Variants in KLHL38 observed in about 807,000 individuals in gnomAD.
KLHL38 encodes kelch like family member 38.
KLHL38 carries 38 observed loss-of-function variants against 39.6 expected under a neutral mutation model. The ratio of observed to expected loss-of-function variants is 0.96; its 90% CI spans 0.74 to 1.26. KLHL38 has a LOEUF of 1.26. KLHL38 is among the 50% of genes most tolerant of loss of function. The pLI, the probability that KLHL38 is intolerant of heterozygous loss-of-function variation, is 0.00. For synonymous variants in KLHL38, 322 were observed against 302.2 expected (o/e 1.07, Z -0.68); for missense variants, 803 against 748.1 (o/e 1.07, Z -0.86).
In KLHL38 at chr8:123,645,981, C is replaced by T; in HGVS notation, c.1504G>A (p.Val502Ile). Reference sequence around the variant, plus strand: ...CGGTCTTTCATGTCCGCACATTTGACAAATTTGTTGGATTGAGGGTCATAA... The same window carrying T: ...CGGTCTTTCATGTCCGCACATTTGATAAATTTGTTGGATTGAGGGTCATAA... ...LAYDPQSNKFVKCADMKDRRM... is the reference protein window; with the variant it reads ...LAYDPQSNKFIKCADMKDRRM... The change falls in exon 4 of 4, where the codon GTC becomes ATC. Residue 502 changes from valine (V) to isoleucine (I), a missense_variant. Transcript: ENST00000684634. 6.2e-7 allele frequency: 1 copy of T among 1,614,176 alleles called. No homozygotes were observed. Among genetic ancestry groups the T allele is most frequent in the Non-Finnish European group, 8.5e-7 (1 of 1,180,022 alleles).
At chr8:123,647,087 T>C in intron 2 of KLHL38, 73 bp from the exon 3 acceptor site, 1 of 862,812 alleles carries the variant, frequency 1.2e-6, no homozygotes, top group Non-Finnish European at 1.9e-6. Flanking sequence ...AAGTAGTAAT[T>C]ACGAGGGTGA....
At chr8:123,647,527 G>A (rs768542233) in intron 2 of KLHL38, among the ~76,000 whole-genome samples, 3 of 152,216 alleles carry the variant, frequency 2.0e-5, no homozygotes, top group Non-Finnish European at 4.4e-5. Flanking sequence ...AGAGAAAGGG[G>A]AGAAAGACCA....
In KLHL38 at chr8:123,646,047, AT is replaced by A; in HGVS notation, c.1457-20del. ...GTGTAACCTGAAAACCAAATGACAC[AT>A]GGGCAAGCTCAGTGTTGCTCATCTG... On this transcript the variant is annotated intron_variant, in intron 3 of 3. Coordinates refer to ENST00000684634, the MANE Select transcript of KLHL38 (RefSeq NM_001081675.3). The A allele has an allele frequency of 1.2e-6, 2 of 1,610,904 alleles. No homozygotes were observed. Among genetic ancestry groups the A allele is most frequent in the Non-Finnish European group, 1.7e-6 (2 of 1,177,154 alleles).
rs777533807 is a variant in KLHL38 at position 123,651,832 on chromosome 8, C to T, written c.1095G>A (p.Leu365=). Residue 365 remains leucine, a synonymous_variant, in exon 2 of 4, where the codon CTG becomes CTA. Transcript: ENST00000684634. ...AGCGGGCCACCAGCATGGGCTCCCC[C>T]AGCCTCCACTGATTGAGTTTCAGGG... ...IFSLKLNQWR[L]GEPMLVARYS... 1.9e-6 allele frequency: 3 copies of T among 1,614,212 alleles called. No homozygotes were observed. In the East Asian group the frequency reaches 6.7e-5, roughly 36 times the overall value.
rs554539741 is a variant in KLHL38, at chr8:123,645,005, G to T, written c.*734C>A. Among the ~76,000 whole-genome samples the T allele has an allele frequency of 1.5e-4, 22 of 148,802 alleles. No individual in the cohort carries two copies. In the South Asian group the frequency reaches 4.7e-3, roughly 32 times the overall value. ...TTGCTAGAGAGAGAGGAAAACCTAG[G>T]GATGAGAGAGAGGAAGACAGAGGGG... On this transcript the variant is annotated 3_prime_UTR_variant, in exon 4 of 4. Transcript: ENST00000684634.
Position 123,652,571 on chromosome 8 carries a change from A to G in KLHL38, c.356T>C (p.Leu119Pro). ...CAAGTACGAGGAGCAGGCCTCAAACAGCTTGGGGAACTGTAGCATGGAGGC... is the reference window on the plus strand; with the variant it reads ...CAAGTACGAGGAGCAGGCCTCAAACGGCTTGGGGAACTGTAGCATGGAGGC... ...EAASMLQFPK[L>P]FEACSSYLQS... The change falls in exon 2 of 4, where the codon CTG (leucine) becomes CCG (proline). Residue 119 changes from leucine (L) to proline (P), a missense_variant. Transcript: ENST00000684634. The G allele has an allele frequency of 6.2e-7, 1 of 1,614,170 alleles. No homozygotes were observed. Among genetic ancestry groups the G allele is most frequent in the Non-Finnish European group, 8.5e-7 (1 of 1,180,010 alleles).
In KLHL38 at chr8:123,645,914, TAG is replaced by T. The variant is rs775783552; in HGVS notation, c.1569_1570del (p.Tyr524ArgfsTer14). Reference sequence around the variant, plus strand: ...GGTCAGCCGCCGCCCGCCCGTCACGTAGAGTTTGTTTCCCATCACTGTGGCCC... The same window carrying T: ...GGTCAGCCGCCGCCCGCCCGTCACGTAGTTTGTTTCCCATCACTGTGGCCC... On this transcript the variant is annotated frameshift_variant, in exon 4 of 4. Transcript: ENST00000684634. LOFTEE classifies it high-confidence loss of function. 1.9e-6 allele frequency: 3 copies of T among 1,614,034 alleles called. No individual in the cohort carries two copies. The highest frequency in any genetic ancestry group is 2.2e-5 in the East Asian group (1 of 44,876).
chr8:123,648,951 T>C (rs548806310), intron 2 of KLHL38, among the ~76,000 whole-genome samples: 1 of 152,340 alleles, frequency 6.6e-6, no homozygotes, highest in East Asian at 1.9e-4. Context: ...AGAATGTTTA[T>C]TTCAAAGCTA....
chr8:123,646,086 A>T, intron 3 of KLHL38, 58 bp from the exon 4 acceptor site: 1 of 1,495,138 alleles, frequency 6.7e-7, no homozygotes, highest in East Asian at 2.3e-5. Context: ...ACTGGAGGTC[A>T]GCAGTCCTGG....
rs377275127 is a variant in KLHL38 at position 123,652,056 on chromosome 8, C to T, written c.871G>A (p.Gly291Arg). 6.8e-5 allele frequency: 110 copies of T among 1,614,186 alleles called. 2 individuals carry two copies. Among genetic ancestry groups the T allele is most frequent in the South Asian group, 5.6e-4 (51 of 91,078 alleles). Residue 291 changes from glycine (G) to arginine (R), a missense_variant, in exon 2 of 4, where the codon GGA becomes AGA. Coordinates refer to ENST00000684634, the MANE Select transcript of KLHL38 (RefSeq NM_001081675.3). ...SYQDFLILLG[G>R]RKDSQQTTRD... ...GTGGTCTGCTGGCTGTCCTTCCTTC[C>T]GCCCAAGAGGATGAGGAAATCTTGG...
chr8:123,651,189 G>C (rs1031964416), intron 2 of KLHL38, among the ~76,000 whole-genome samples: 10 of 152,140 alleles, frequency 6.6e-5, no homozygotes, highest in Admixed American at 6.5e-4. Flanking sequence ...GTGTGTACAT[G>C]GGTGCACATG....
In KLHL38 at chr8:123,645,754, C is replaced by T. The variant is rs202021404; in HGVS notation, c.1731G>A (p.Thr577=). 192 of 1,613,604 alleles carry T rather than the reference C, an allele frequency of 1.2e-4. No homozygotes were observed. The highest frequency in any genetic ancestry group is 1.5e-4 in the Non-Finnish European group (182 of 1,179,688). ...ACLTLQCIPR[T]SGLP is the part of the protein sequence containing the mutation. ...CTTGTCGACCTCATGGGAGGCCAGA[C>T]GTGCGGGGTATGCACTGGAGAGTGA... Residue 577 remains threonine (T), a synonymous_variant, in exon 4 of 4, where the codon ACG becomes ACA. Coordinates refer to ENST00000684634, the MANE Select transcript of KLHL38 (RefSeq NM_001081675.3).
intron 2 of KLHL38, among the ~76,000 whole-genome samples, chr8:123,648,337 A>C (rs2129743384): frequency 6.6e-6 from 1 of 152,282 alleles, no homozygotes; most frequent in South Asian, 2.1e-4. Context: ...TGGAGCCATG[A>C]AACTGTGGCC....
chr8:123,648,757 G>C (rs1227646077), intron 2 of KLHL38, among the ~76,000 whole-genome samples: 1 of 152,154 alleles, frequency 6.6e-6, no homozygotes, highest in African/African-American at 2.4e-5. Flanking sequence ...TAGAGAGAAG[G>C]CCAGGTGGAA....
rs1472976292 is a variant in KLHL38, at chr8:123,652,339, C to A, written c.588G>T (p.Val196=). ...DDGLCGEEEK[V]FEALMVWIKH... is the part of the protein sequence containing the mutation. ...TGATCCAAACCATGAGGGCCTCAAA[C>A]ACCTTTTCCTCCTCCCCACAGAGCC... The change falls in exon 2 of 4, where the codon GTG becomes GTT. Residue 196 remains valine, a synonymous_variant. Coordinates refer to ENST00000684634, the MANE Select transcript of KLHL38 (RefSeq NM_001081675.3). 5.0e-6 allele frequency: 8 copies of A among 1,613,960 alleles called. No homozygotes were observed. The highest frequency in any genetic ancestry group is 5.9e-6 in the Non-Finnish European group (7 of 1,180,048).
intron 1 of KLHL38, 35 bp from the exon 2 acceptor site, chr8:123,652,962 A>G (rs763359929): frequency 3.2e-6 from 5 of 1,552,470 alleles, no homozygotes; most frequent in Non-Finnish European, 4.3e-6. Flanking sequence ...AGAGTCAGCA[A>G]GAGTCAAACC....
chr8:123,652,558 G>A lies in KLHL38; in HGVS notation c.369C>T (p.Cys123=), dbSNP rs199973284. The A allele has an allele frequency of 1.2e-6, 2 of 1,614,212 alleles. No individual in the cohort carries two copies. Among genetic ancestry groups the A allele is most frequent in the Non-Finnish European group, 8.5e-7 (1 of 1,180,042 alleles). The change falls in exon 2 of 4, where the codon TGC becomes TGT. Residue 123 remains cysteine (C), a synonymous_variant. Transcript: ENST00000684634. ...CCAACTGGCTCTGCAAGTACGAGGA[G>A]CAGGCCTCAAACAGCTTGGGGAACT... ...MLQFPKLFEA[C]SSYLQSQLAP...
chr8:123,647,089 C>A (rs11991744), intron 2 of KLHL38, 75 bp from the exon 3 acceptor site: 711,338 of 838,242 alleles, frequency 0.85, 303,344 homozygotes, highest in Non-Finnish European at 0.88. Flanking sequence ...GTAGTAATTA[C>A]GAGGGTGAAC....
chr8:123,649,809 C>G (rs1036375989), intron 2 of KLHL38, among the ~76,000 whole-genome samples: 3 of 152,140 alleles, frequency 2.0e-5, no homozygotes, highest in Admixed American at 2.0e-4. Flanking sequence ...CTGATGCCCG[C>G]CCCTAGCCAC....
Sources: allele counts gnomAD v4.1 joint callset (sites outside exome capture counted in the v4.1 genomes callset), GRCh38; gene constraint gnomAD v4.1.1; transcripts MANE v1.5; gene names NCBI Gene and HGNC (gene_info 2026-07-23, HGNC 2026-07-21).